PARD3: variants seen among roughly 807,000 people sequenced by gnomAD.
PARD3 encodes the protein partitioning defective 3 homolog.
A neutral mutation model predicts 155.4 loss-of-function variants in PARD3; 75 were observed. The ratio of observed to expected loss-of-function variants is 0.48; its 90% CI spans 0.40 to 0.58. The LOEUF is 0.58. Among genes scored for constraint, PARD3 ranks in the 20% least tolerant of loss-of-function variants. The probability of loss-of-function intolerance (pLI) is 0.00; values close to 1 mark genes in which losing one functional copy is unlikely to be tolerated. For synonymous variants in PARD3, 576 were observed against 610.5 expected, an observed-to-expected ratio of 0.94 and a Z score of 0.83; for missense variants, 1,642 against 1,721.7, an observed-to-expected ratio of 0.95 and a Z score of 0.82.
At chr10:34,254,188 TG>T (rs1422889457) in intron 22 of PARD3, among the ~76,000 whole-genome samples, 6 of 152,264 alleles carry the variant, frequency 3.9e-5, no homozygotes, top group East Asian at 1.9e-4. Flanking sequence ...GAGACCAGCC[TG>T]GCCAACATGG....
At chr10:34,259,614 T>C (rs77950484) in intron 22 of PARD3, among the ~76,000 whole-genome samples, 10,396 of 152,216 alleles carry the variant, frequency 0.068, 490 homozygotes, top group Non-Finnish European at 0.097. Flanking sequence ...CATTCACAAG[T>C]TCCAGAAATT....
At chr10:34,161,245 GA>G (rs373658384) in intron 22 of PARD3, among the ~76,000 whole-genome samples, 1 of 118,576 alleles carries the variant, frequency 8.4e-6, no homozygotes, top group Non-Finnish European at 1.6e-5. Context: ...ACCCTGTCTT[GA>G]AAAAAAAAAA....
intron 21 of PARD3, among the ~76,000 whole-genome samples, chr10:34,278,102 A>C (rs1955974851): frequency 6.6e-6 from 1 of 152,084 alleles, no homozygotes; most frequent in Non-Finnish European, 1.5e-5. Context: ...GCTGGAGTGC[A>C]GTAGTATAAT....
intron 2 of PARD3, among the ~76,000 whole-genome samples, chr10:34,683,488 G>A (rs1326116540): frequency 3.3e-5 from 5 of 150,516 alleles, no homozygotes; most frequent in South Asian, 2.1e-4. Context: ...TAAAGACAGC[G>A]TGAAGCCGGG....
intron 2 of PARD3, among the ~76,000 whole-genome samples, chr10:34,680,070 T>A (rs118158327): frequency 0.012 from 1,786 of 152,064 alleles, 20 homozygotes; most frequent in Non-Finnish European, 0.016. Context: ...ACTTGTACTA[T>A]CTAAATATAT....
chr10:34,664,260 T>C (rs961749324), intron 2 of PARD3, among the ~76,000 whole-genome samples: 1 of 152,188 alleles, frequency 6.6e-6, no homozygotes, highest in Non-Finnish European at 1.5e-5. Context: ...TGGAGTGCAG[T>C]AGCGTGATCT....
chr10:34,446,436 A>G (rs552020968), intron 5 of PARD3, among the ~76,000 whole-genome samples: 1 of 152,268 alleles, frequency 6.6e-6, no homozygotes, highest in South Asian at 2.1e-4. Flanking sequence ...CCCCTGAGAC[A>G]AGGTCTACAA....
At chr10:34,576,242 C>A (rs1345044091) in intron 2 of PARD3, among the ~76,000 whole-genome samples, 1 of 152,118 alleles carries the variant, frequency 6.6e-6, no homozygotes, top group Non-Finnish European at 1.5e-5. Flanking sequence ...GGACAAAATC[C>A]TAAACAACAT....
intron 2 of PARD3, among the ~76,000 whole-genome samples, chr10:34,577,880 C>T (rs932053643): frequency 6.7e-6 from 1 of 150,220 alleles, no homozygotes; most frequent in Non-Finnish European, 1.5e-5. Flanking sequence ...AGACAGGGGT[C>T]TCACTCTGTC....
At chr10:34,169,587 T>C (rs182045022) in intron 22 of PARD3, among the ~76,000 whole-genome samples, 15 of 152,232 alleles carry the variant, frequency 9.9e-5, no homozygotes, top group Admixed American at 3.9e-4. Flanking sequence ...TGTGGGGATT[T>C]AGATGAGAGA....
At chr10:34,602,742 G>A (rs1207475918) in intron 2 of PARD3, among the ~76,000 whole-genome samples, 1 of 152,192 alleles carries the variant, frequency 6.6e-6, no homozygotes. Context: ...GAAGGCCACA[G>A]GCGAGCCTTC....
chr10:34,791,939 G>A (rs951945060), intron 1 of PARD3, among the ~76,000 whole-genome samples: 2 of 151,878 alleles, frequency 1.3e-5, no homozygotes, highest in Admixed American at 6.6e-5. Context: ...CCTACAAACT[G>A]AATGTTTTGT....
chr10:34,322,164 T>C (rs755620503), intron 19 of PARD3, among the ~76,000 whole-genome samples: 1 of 152,172 alleles, frequency 6.6e-6, no homozygotes, highest in African/African-American at 2.4e-5. Context: ...AGACCAAGAA[T>C]GGCCCCGTTG....
intron 22 of PARD3, among the ~76,000 whole-genome samples, chr10:34,177,424 GACAAAT>G (rs72001755): frequency 1.6e-3 from 244 of 152,116 alleles, no homozygotes; most frequent in African/African-American, 5.6e-3. Flanking sequence ...TAAAAGATTA[GACAAAT>G]ACCCCCCAAA....
chr10:34,216,883 T>C (rs1389103847), intron 22 of PARD3, among the ~76,000 whole-genome samples: 1 of 152,220 alleles, frequency 6.6e-6, no homozygotes, highest in Non-Finnish European at 1.5e-5. Flanking sequence ...ACTGCTTGGG[T>C]CCACATTTTT....
At chr10:34,800,236 A>G (rs1349709316) in intron 1 of PARD3, among the ~76,000 whole-genome samples, 2 of 152,200 alleles carry the variant, frequency 1.3e-5, no homozygotes, top group Non-Finnish European at 2.9e-5. Context: ...AGATTAACAT[A>G]TACACATAAA....
At chr10:34,814,692 C>A (rs1395441109) in intron 1 of PARD3, among the ~76,000 whole-genome samples, 184 bp downstream of exon 1, 17 of 151,988 alleles carry the variant, frequency 1.1e-4, no homozygotes, top group Non-Finnish European at 1.3e-4. Context: ...GGCTGCGCCC[C>A]GGCCCGCGCA....
chr10:34,633,990 T>C (rs189349790), intron 2 of PARD3, among the ~76,000 whole-genome samples: 7 of 152,300 alleles, frequency 4.6e-5, no homozygotes, highest in African/African-American at 7.2e-5. Flanking sequence ...CTCAACTACA[T>C]TGACCTGTCT....
At chr10:34,609,951 G>A (rs9971181) in intron 2 of PARD3, among the ~76,000 whole-genome samples, 7,316 of 152,246 alleles carry the variant, frequency 0.048, 572 homozygotes, top group African/African-American at 0.17. Context: ...ACCTTCTGCA[G>A]AATTATTTTT....
Sources: gnomAD v4.1 joint callset for allele counts (sites outside exome capture counted in the v4.1 genomes callset) on GRCh38, gnomAD v4.1.1 for gene constraint, MANE v1.5 for transcripts, NCBI Gene and HGNC (gene_info 2026-07-23, HGNC 2026-07-21) for gene names.